The following ADAMTS9 variants were observed in gnomAD, a reference collection of about 807,000 sequenced individuals.
ADAMTS9 encodes A disintegrin and metalloproteinase with thrombospondin motifs 9.
In ADAMTS9, 107 loss-of-function variants were observed where a neutral mutation model predicts 257.1. The ratio of observed to expected loss-of-function variants is 0.42; its 90% CI spans 0.36 to 0.49. The LOEUF is 0.49. Ranked by LOEUF, ADAMTS9 falls within the 20% of genes least tolerant of loss-of-function variation. ADAMTS9 has a pLI of 0.03. For synonymous variants in ADAMTS9, 982 were observed against 880.9 expected (o/e 1.11, Z -2.03); for missense variants, 2,353 against 2,469.1 (o/e 0.95, Z 1.00).
At chr3:64,589,473 A>C (rs1488128819) in intron 28 of ADAMTS9, 1 of 152,222 alleles carries the variant, frequency 6.6e-6, no homozygotes, top group Non-Finnish European at 1.5e-5. Context: ...CGGCTAGTCA[A>C]ATGGGTTCCT....
chr3:64,652,373 A>C (rs1176408068), intron 8 of ADAMTS9, among the ~76,000 whole-genome samples: 1 of 152,256 alleles, frequency 6.6e-6, no homozygotes, highest in Admixed American at 6.5e-5. Flanking sequence ...TTCTTAAAAC[A>C]TGAGACTCCT....
intron 30 of ADAMTS9, among the ~76,000 whole-genome samples, chr3:64,555,577 G>A (rs2083322822): frequency 6.6e-6 from 1 of 152,056 alleles, no homozygotes; most frequent in Non-Finnish European, 1.5e-5. Flanking sequence ...AGGGCTACCT[G>A]TGCAGTTGTG....
At position 64,641,969 on chromosome 3, in the gene ADAMTS9, G is replaced by C. The variant is rs769739053; in HGVS notation, c.1735C>G (p.Pro579Ala). Residue 579 changes from proline (P) to alanine (A), a missense_variant, in exon 12 of 40, where the codon CCC becomes GCC. Around this residue, in one of 3 missense-constraint regions of ADAMTS9, gnomAD observed 360 missense variants for 458.1 expected, o/e 0.79. Coordinates refer to ENST00000498707, the MANE Select transcript of ADAMTS9 (RefSeq NM_182920.2). The part of the protein sequence containing the change: ...GKHCKYGFCV[P>A]KEMDVPVTDG... The stretch of plus-strand genomic sequence containing the variant: ...GTCACGGGGACATCCATTTCTTTGG[G>C]AACACAAAATCCATACTTGCAGTGC... 1.2e-6 allele frequency: 2 copies of C among 1,614,120 alleles called. No homozygotes were observed. The highest frequency in any genetic ancestry group is 1.1e-5 in the South Asian group (1 of 91,080).
At chr3:64,652,535 C>T (rs1229272109) in intron 8 of ADAMTS9, among the ~76,000 whole-genome samples, 1 of 152,098 alleles carries the variant, frequency 6.6e-6, no homozygotes, top group East Asian at 1.9e-4. Context: ...TTTCCCATCC[C>T]CAGATGAGGT....
intron 3 of ADAMTS9, among the ~76,000 whole-genome samples, chr3:64,679,566 C>A (rs1343986871): frequency 6.6e-6 from 1 of 152,056 alleles, no homozygotes; most frequent in Non-Finnish European, 1.5e-5. Flanking sequence ...AAAATGTTGA[C>A]CTGTAGCCGC....
At chr3:64,645,203 A>G (rs190651360) in intron 11 of ADAMTS9, among the ~76,000 whole-genome samples, 53 of 152,354 alleles carry the variant, frequency 3.5e-4, no homozygotes, top group African/African-American at 1.3e-3. Context: ...CTTTATTTAA[A>G]ATGTCCAAAA....
At chr3:64,546,137 A>T (rs2083195136) in intron 32 of ADAMTS9, among the ~76,000 whole-genome samples, 1 of 152,230 alleles carries the variant, frequency 6.6e-6, no homozygotes, top group Non-Finnish European at 1.5e-5. Flanking sequence ...ATTTGCAGTA[A>T]AATATATATA....
intron 28 of ADAMTS9, among the ~76,000 whole-genome samples, 172 bp downstream of exon 28, chr3:64,594,086 T>C (rs541614185): frequency 6.6e-6 from 1 of 152,116 alleles, no homozygotes; most frequent in Non-Finnish European, 1.5e-5. Flanking sequence ...TTTGGCAATA[T>C]CATAAAAAGT....
In ADAMTS9 at chr3:64,660,420, C is replaced by G. The variant is rs564790620; in HGVS notation, c.680-1629G>C. On this transcript the variant is annotated intron_variant, in intron 3 of 39. Coordinates refer to ENST00000498707, the MANE Select transcript of ADAMTS9 (RefSeq NM_182920.2). ...TAAAATACAGTGGTCCCCCCTTTTTCATGGTTTCGGTTCCCTTGGTTTCAG... is the reference window on the plus strand; with the variant it reads ...TAAAATACAGTGGTCCCCCCTTTTTGATGGTTTCGGTTCCCTTGGTTTCAG... Among the ~76,000 whole-genome samples, 5 of 152,266 alleles carry G rather than the reference C, an allele frequency of 3.3e-5. No individual in the cohort carries two copies. The East Asian group carries it at 9.6e-4, about 29-fold the overall frequency.
chr3:64,677,807 GT>G (rs1344503000), intron 3 of ADAMTS9, among the ~76,000 whole-genome samples: 3 of 152,106 alleles, frequency 2.0e-5, no homozygotes, highest in African/African-American at 7.2e-5. Flanking sequence ...ACAGTTCCTG[GT>G]TTTCTCCTCC....
intron 37 of ADAMTS9, among the ~76,000 whole-genome samples, chr3:64,537,680 T>C (rs1362886786): frequency 6.6e-6 from 1 of 152,202 alleles, no homozygotes; most frequent in African/African-American, 2.4e-5. Context: ...CTTGGGATTC[T>C]GAACGCGTCA....
intron 27 of ADAMTS9, among the ~76,000 whole-genome samples, chr3:64,594,734 G>GT (rs1172176630): frequency 1.3e-5 from 2 of 152,292 alleles, no homozygotes; most frequent in Admixed American, 1.3e-4. Flanking sequence ...AGCAATTAAG[G>GT]TGAAGGGAGG....
At chr3:64,559,655 T>C (rs2083387415) in intron 30 of ADAMTS9, among the ~76,000 whole-genome samples, 2 of 152,200 alleles carry the variant, frequency 1.3e-5, no homozygotes, top group South Asian at 4.1e-4. Flanking sequence ...AAAAGATCCA[T>C]CTGCACGACA....
Position 64,615,314 on chromosome 3 carries a change from A to G in ADAMTS9, c.3189+7T>C. ...ACCTAGGGGAAATAACAGCCCTCCC[A>G]TCTTACCTCTGACCAGTCTCCAGAT... On this transcript the variant is annotated splice_region_variant and intron_variant, in intron 21 of 39. Transcript: ENST00000498707. The G allele has an allele frequency of 6.2e-7, 1 of 1,613,054 alleles. No individual in the cohort carries two copies. The highest frequency in any genetic ancestry group is 1.1e-5 in the South Asian group (1 of 90,898).
In ADAMTS9 at chr3:64,541,745, A is replaced by T; in HGVS notation, c.5197+93T>A. On this transcript the variant is annotated intron_variant, in intron 33 of 39. Coordinates refer to ENST00000498707, the MANE Select transcript of ADAMTS9 (RefSeq NM_182920.2). ...AAAGCGAATGATTTCCTTCAGAAAAAATTCTATATTTCTAAAAAGGGCAGG... is the reference window on the plus strand; with the variant it reads ...AAAGCGAATGATTTCCTTCAGAAAATATTCTATATTTCTAAAAAGGGCAGG... 2.5e-6 allele frequency: 4 copies of T among 1,574,370 alleles called. No individual in the cohort carries two copies. The East Asian group carries it at 9.0e-5, about 35-fold the overall frequency.
intron 28 of ADAMTS9, among the ~76,000 whole-genome samples, chr3:64,593,822 C>T (rs1375140576): frequency 6.6e-6 from 1 of 152,256 alleles, no homozygotes; most frequent in East Asian, 1.9e-4. Flanking sequence ...AGGCAAATTA[C>T]AGTCACTGAA....
chr3:64,633,172 T>C (rs563265996), intron 14 of ADAMTS9, among the ~76,000 whole-genome samples: 3 of 152,184 alleles, frequency 2.0e-5, no homozygotes, highest in Non-Finnish European at 2.9e-5. Context: ...ACTGAGTTTA[T>C]AGCAAAGGAG....
chr3:64,667,283 A>G (rs1195544956), intron 3 of ADAMTS9, among the ~76,000 whole-genome samples: 1 of 152,242 alleles, frequency 6.6e-6, no homozygotes, highest in Admixed American at 6.5e-5. Flanking sequence ...AACTTTCTCC[A>G]TGCACATTAG....
At chr3:64,682,813 G>A (rs983950907) in intron 2 of ADAMTS9, among the ~76,000 whole-genome samples, 5 of 152,194 alleles carry the variant, frequency 3.3e-5, no homozygotes, top group African/African-American at 4.8e-5. Flanking sequence ...GTATTCTTAC[G>A]CATGATAAAG....
Sources: allele counts gnomAD v4.1 joint callset (sites outside exome capture counted in the v4.1 genomes callset), GRCh38; gene constraint gnomAD v4.1.1; regional missense constraint gnomAD v4.1.1; transcripts MANE v1.5; gene names NCBI Gene and HGNC (gene_info 2026-07-23, HGNC 2026-07-21).